Variants in SAMD4B observed in about 807,000 individuals in gnomAD.
SAMD4B encodes protein Smaug homolog 2.
A neutral mutation model predicts 74.5 loss-of-function variants in SAMD4B; 5 were observed. The ratio of observed to expected loss-of-function variants is 0.07; its 90% confidence interval spans 0.04 to 0.14. SAMD4B has a LOEUF of 0.14. SAMD4B is among the 10% of genes least tolerant of loss of function. The pLI is 1.00. For synonymous variants in SAMD4B, 373 were observed against 374.9 expected, an observed-to-expected ratio of 1.00 and a Z score of 0.06; for missense variants, 608 against 921.8, an observed-to-expected ratio of 0.66 and a Z score of 4.41.
intron 3 of SAMD4B, among the ~76,000 whole-genome samples, chr19:39,366,152 C>A (rs1028108434): frequency 6.6e-6 from 1 of 152,162 alleles, no homozygotes; most frequent in East Asian, 1.9e-4. Flanking sequence ...GCCCCCTCCA[C>A]TAAAAATATA....
intron 1 of SAMD4B, among the ~76,000 whole-genome samples, chr19:39,343,982 AC>A (rs141556423): frequency 0.21 from 11,162 of 52,758 alleles, 1,201 homozygotes; most frequent in African/African-American, 0.41. Flanking sequence ...GGTTTTCAGG[AC>A]CCCCCCCCCC....
intron 3 of SAMD4B, among the ~76,000 whole-genome samples, chr19:39,366,292 G>A (rs1010706172): frequency 1.3e-5 from 2 of 151,968 alleles, no homozygotes; most frequent in African/African-American, 4.8e-5. Context: ...CTCCAGCCTG[G>A]GCAACAAAGT....
chr19:39,345,707 T>C (rs1247713857), intron 1 of SAMD4B, among the ~76,000 whole-genome samples: 3 of 152,234 alleles, frequency 2.0e-5, no homozygotes, highest in Non-Finnish European at 4.4e-5. Flanking sequence ...TGTTCTTCTC[T>C]GAATCCCACA....
Position 39,383,817 on chromosome 19 carries a change from C to A in SAMD4B, c.*290C>A. The A allele has an allele frequency of 8.8e-7, 1 of 1,134,674 alleles. No homozygotes were observed. Among genetic ancestry groups the A allele is most frequent in the Non-Finnish European group, 1.3e-6 (1 of 799,298 alleles). The allele number at this position is 1,134,674 out of a possible 1,614,324, so 70.3% of individuals were successfully genotyped here. On this transcript the variant is annotated 3_prime_UTR_variant, in exon 14 of 14. Coordinates refer to ENST00000610417, the MANE Select transcript of SAMD4B (RefSeq NM_001384574.2). This position sits in a 1 kb window ranked among gnomAD's most constrained non-coding sequence, Gnocchi z 4.1. The stretch of plus-strand genomic sequence containing the variant: ...CTCTCCTTTCCTTCCTCATCCCCAC[C>A]TGGTCCCATCCCACCCCTGCCTCCT...
chr19:39,389,957 G>A (rs1280419415), downstream of SAMD4B: 6 of 1,061,730 alleles, frequency 5.7e-6, no homozygotes, highest in Non-Finnish European at 8.7e-6. The surrounding 1 kb of genome is among the most constrained non-coding windows in gnomAD (Gnocchi z 5.3). Context: ...CTACTACTAT[G>A]TGCTAGGGTA....
rs1835623967 is a variant in SAMD4B at position 39,378,480 on chromosome 19, C to T, written c.1445-24C>T. On this transcript the variant is annotated intron_variant, in intron 8 of 13. Coordinates refer to ENST00000610417, the MANE Select transcript of SAMD4B (RefSeq NM_001384574.2). The surrounding 1 kb of genome is among the most constrained non-coding windows in gnomAD (Gnocchi z 4.4). Reference sequence around the variant, plus strand: ...AGAGGGCATACTAGGGGTTAACCTCCTGCCCTTTCTCATGTCCCCCCAGTG... The same window carrying T: ...AGAGGGCATACTAGGGGTTAACCTCTTGCCCTTTCTCATGTCCCCCCAGTG... 6.2e-7 allele frequency: 1 copy of T among 1,609,906 alleles called. No individual in the cohort carries two copies. Among genetic ancestry groups the T allele is most frequent in the Non-Finnish European group, 8.5e-7 (1 of 1,176,444 alleles).
chr19:39,374,598 T>C (rs529305395), intron 4 of SAMD4B, among the ~76,000 whole-genome samples: 2 of 152,290 alleles, frequency 1.3e-5, no homozygotes, highest in Non-Finnish European at 2.9e-5. Flanking sequence ...TCCCAGCACT[T>C]TAGGAGGCTG....
chr19:39,346,295 C>A (rs144895379), intron 1 of SAMD4B, among the ~76,000 whole-genome samples: 5 of 152,112 alleles, frequency 3.3e-5, no homozygotes, highest in Admixed American at 6.5e-5. Context: ...GGATAGTGTT[C>A]CATGGGAGTT....
chr19:39,374,892 G>T (rs947588983), intron 4 of SAMD4B, among the ~76,000 whole-genome samples: 1 of 152,108 alleles, frequency 6.6e-6, no homozygotes, highest in African/African-American at 2.4e-5. Context: ...ATAATTTCAG[G>T]TTGTGATGGG....
At chr19:39,345,007 C>T (rs984966801) in intron 1 of SAMD4B, among the ~76,000 whole-genome samples, 2 of 152,168 alleles carry the variant, frequency 1.3e-5, no homozygotes, top group African/African-American at 4.8e-5. Context: ...GTTCCTGGCC[C>T]AGCAGCAGCC....
chr19:39,370,245 T>C (rs1190743568), intron 4 of SAMD4B, 120 bp downstream of exon 4: 4 of 938,312 alleles, frequency 4.3e-6, no homozygotes, highest in East Asian at 2.6e-5. Flanking sequence ...GCCTCAACTT[T>C]ATGAGGCAAT....
At chr19:39,363,860 C>T (rs769851775) in intron 3 of SAMD4B, among the ~76,000 whole-genome samples, 3 of 152,204 alleles carry the variant, frequency 2.0e-5, no homozygotes, top group Non-Finnish European at 4.4e-5. Flanking sequence ...ATTCGTTGGG[C>T]CTCTGCTGTG....
At chr19:39,353,362 A>C (rs1316928978) in intron 1 of SAMD4B, among the ~76,000 whole-genome samples, 1 of 152,198 alleles carries the variant, frequency 6.6e-6, no homozygotes, top group East Asian at 1.9e-4. Context: ...AAGTTATATA[A>C]AGATAGTGTT....
At chr19:39,371,826 AAAAC>A (rs1386695785) in intron 4 of SAMD4B, among the ~76,000 whole-genome samples, 4 of 152,108 alleles carry the variant, frequency 2.6e-5, no homozygotes, top group Admixed American at 6.5e-5. Flanking sequence ...CAAAAAAAAA[AAAAC>A]AAAAACACAC....
chr19:39,361,997 C>T (rs181521185), intron 3 of SAMD4B, among the ~76,000 whole-genome samples: 6 of 152,268 alleles, frequency 3.9e-5, no homozygotes, highest in Non-Finnish European at 5.9e-5. Flanking sequence ...GAGAGCTGAA[C>T]AGTGAGGTAG....
chr19:39,381,510 C>G (rs992036186), intron 12 of SAMD4B, among the ~76,000 whole-genome samples: 14 of 152,150 alleles, frequency 9.2e-5, no homozygotes, highest in East Asian at 3.8e-4. Context: ...GGGAGTCCTG[C>G]CCATCAGCCT....
downstream of SAMD4B, chr19:39,386,283 C>T (rs752471490): frequency 6.2e-7 from 1 of 1,614,174 alleles, no homozygotes; most frequent in Admixed American, 1.7e-5. The surrounding 1 kb of genome is among the most constrained non-coding windows in gnomAD (Gnocchi z 6.1). Context: ...CTCGTCCTCA[C>T]CACTGCCACT....
chr19:39,389,126 G>A (rs376964731), downstream of SAMD4B: 11 of 1,613,942 alleles, frequency 6.8e-6, no homozygotes, highest in African/African-American at 1.5e-4. This position sits in a 1 kb window ranked among gnomAD's most constrained non-coding sequence, Gnocchi z 5.3. Context: ...TCTTCTCAAT[G>A]GCTGTGATCT....
At chr19:39,362,995 A>C (rs1415009300) in intron 3 of SAMD4B, among the ~76,000 whole-genome samples, 3 of 151,996 alleles carry the variant, frequency 2.0e-5, no homozygotes, top group Non-Finnish European at 2.9e-5. Flanking sequence ...CCCTGTGTCC[A>C]TGTGAGCAGG....
Sources: allele counts gnomAD v4.1 joint callset (sites outside exome capture counted in the v4.1 genomes callset), GRCh38; gene constraint gnomAD v4.1.1; non-coding constraint Gnocchi (gnomAD v3.1); transcripts MANE v1.5; gene names NCBI Gene and HGNC (gene_info 2026-07-23, HGNC 2026-07-21).